The following CIZ1 variants were observed in gnomAD, a reference collection of about 807,000 sequenced individuals.
CIZ1 encodes the protein cip1-interacting zinc finger protein.
In CIZ1, 58 loss-of-function variants were observed where a neutral mutation model predicts 118.6. That is an observed-to-expected ratio of 0.49 (90% CI 0.40 to 0.61). The LOEUF is 0.61. Among genes scored for constraint, CIZ1 ranks in the 20% least tolerant of loss-of-function variants. The pLI, the probability that CIZ1 is intolerant of heterozygous loss-of-function variation, is 0.00. For synonymous variants in CIZ1, 448 were observed against 443.4 expected, an observed-to-expected ratio of 1.01 and a Z score of -0.13; for missense variants, 921 against 1,115.9, an observed-to-expected ratio of 0.83 and a Z score of 2.49.
intron 1 of CIZ1, among the ~76,000 whole-genome samples, chr9:128,199,297 G>A (rs1033977272): frequency 2.6e-5 from 4 of 152,048 alleles, no homozygotes; most frequent in African/African-American, 7.3e-5. Context: ...GAGCCCAGGA[G>A]GCAGAGGTTG....
In CIZ1 at chr9:128,167,438, C is replaced by T. The variant is rs557692006; in HGVS notation, c.2296-274G>A. 2.9e-5 allele frequency: 13 copies of T among 448,912 alleles called. No individual in the cohort carries two copies. The South Asian group carries it at 4.4e-4, about 15-fold the overall frequency. 27.8% of individuals were successfully genotyped at this position (448,912 alleles called of 1,614,324 possible). Reference sequence around the variant, plus strand: ...GGCGCCATAATCCACGCCAGGTGTGCCCAAGACATCATGTGTCATTTGACT... The same window carrying T: ...GGCGCCATAATCCACGCCAGGTGTGTCCAAGACATCATGTGTCATTTGACT... On this transcript the variant is annotated intron_variant, in intron 14 of 16. Coordinates refer to ENST00000372938, the MANE Select transcript of CIZ1 (RefSeq NM_001131016.2).
chr9:128,184,980 T>C (rs1832164068), intron 5 of CIZ1, among the ~76,000 whole-genome samples: 1 of 151,970 alleles, frequency 6.6e-6, no homozygotes, highest in Non-Finnish European at 1.5e-5. Context: ...ACACCAATAA[T>C]TTAAAAAGAA....
At chr9:128,181,663 C>T (rs547905507) in intron 5 of CIZ1, among the ~76,000 whole-genome samples, 3 of 151,832 alleles carry the variant, frequency 2.0e-5, no homozygotes, top group African/African-American at 7.3e-5. Flanking sequence ...CTAGCGGTGA[C>T]GCCAGCGTCT....
rs1829383147 is a variant in CIZ1 at position 128,166,143 on chromosome 9, A to G, written c.*54T>C. ...GTCAAAGTTTCCAGGCAGACTCCTA[A>G]AAAGCATTAGCAGATCTGGACCCAG... On this transcript the variant is annotated 3_prime_UTR_variant, in exon 17 of 17. Coordinates refer to ENST00000372938, the MANE Select transcript of CIZ1 (RefSeq NM_001131016.2). The surrounding 1 kb of genome is among the most constrained non-coding windows in gnomAD (Gnocchi z 4.4). 2 of 1,238,962 alleles carry G rather than the reference A, an allele frequency of 1.6e-6. No individual in the cohort carries two copies. The highest frequency in any genetic ancestry group is 2.2e-6 in the Non-Finnish European group (2 of 924,752). The allele number at this position is 1,238,962 out of a possible 1,614,324, so 76.7% of individuals were successfully genotyped here. A position where few individuals can be genotyped will look rare whatever the true frequency, so the allele number is the denominator to read the frequency against.
Position 128,191,402 on chromosome 9 carries a change from C to T in CIZ1, c.-6+30G>A. The T allele has an allele frequency of 1.1e-6, 1 of 870,222 alleles. No individual in the cohort carries two copies. The highest frequency in any genetic ancestry group is 1.4e-6 in the Non-Finnish European group (1 of 722,278). 53.9% of individuals were successfully genotyped at this position (870,222 alleles called of 1,614,324 possible). A position where few individuals can be genotyped will look rare whatever the true frequency, so the allele number is the denominator to read the frequency against. Reference sequence around the variant, plus strand: ...GACACAGCCAGCTCGCAGGCGGAGCCCCACGACCCAGCCGCCCCCGGCCCC... The same window carrying T: ...GACACAGCCAGCTCGCAGGCGGAGCTCCACGACCCAGCCGCCCCCGGCCCC... On this transcript the variant is annotated intron_variant, in intron 1 of 16. Transcript: ENST00000372938. The surrounding 1 kb of genome is among the most constrained non-coding windows in gnomAD (Gnocchi z 5.5).
chr9:128,190,646 A>C (rs1287626240), intron 2 of CIZ1, 42 bp downstream of exon 2: 2 of 1,539,650 alleles, frequency 1.3e-6, no homozygotes, highest in East Asian at 4.9e-5. Context: ...CATGGGTCTG[A>C]GTAGCAAGGC....
chr9:128,202,096 G>A (rs1564313010), intron 1 of CIZ1, among the ~76,000 whole-genome samples: 1 of 152,204 alleles, frequency 6.6e-6, no homozygotes, highest in African/African-American at 2.4e-5. Flanking sequence ...GACTTTGTCC[G>A]TTTTGCTCAC....
intron 5 of CIZ1, among the ~76,000 whole-genome samples, chr9:128,183,353 C>T (rs1032956966): frequency 6.6e-6 from 1 of 152,158 alleles, no homozygotes; most frequent in African/African-American, 2.4e-5. Flanking sequence ...TGGGTTTTTC[C>T]ATACGTAAAA....
At position 128,200,508 on chromosome 9, in the gene CIZ1, A is replaced by T. The variant is rs569416198; in HGVS notation, c.-6+3678T>A. ...CCCCGTCTCTACTAAAAATACAAAA[A>T]TTAGCTGGGCACAGTGGCGAGCACC... On this transcript the variant is annotated intron_variant, in intron 1 of 17. Transcript: ENST00000372948. Among the ~76,000 whole-genome samples the T allele has an allele frequency of 7.9e-4, 120 of 151,924 alleles. 2 individuals are homozygous for T. Among genetic ancestry groups the T allele is most frequent in the African/African-American group, 2.6e-3 (108 of 41,358 alleles).
chr9:128,203,823 C>A lies in CIZ1; in HGVS notation c.-6+363G>T, dbSNP rs1453919009. 6.6e-6 allele frequency among the ~76,000 whole-genome samples: 1 copy of A among 151,148 alleles called. No individual in the cohort carries two copies. On this transcript the variant is annotated intron_variant, in intron 1 of 17. Coordinates refer to the CIZ1 transcript ENST00000372948. The surrounding 1 kb of genome is among the most constrained non-coding windows in gnomAD (Gnocchi z 5.3). ...AGCCCCTCGGGGCAGCAGCGCCCCCCGCTAGTCTGCAAACGTCGTCAAGCC... is the reference window on the plus strand; with the variant it reads ...AGCCCCTCGGGGCAGCAGCGCCCCCAGCTAGTCTGCAAACGTCGTCAAGCC...
chr9:128,203,677 C>A lies in CIZ1; in HGVS notation c.-6+509G>T. On this transcript the variant is annotated intron_variant, in intron 1 of 17. Transcript: ENST00000372948. The surrounding 1 kb of genome is among the most constrained non-coding windows in gnomAD (Gnocchi z 5.3). Reference sequence around the variant, plus strand: ...GGCGCCGACCCCCGACCCCCGGGATCCCTGGAGTCCCCGCCCGGGGCACTG... The same window carrying A: ...GGCGCCGACCCCCGACCCCCGGGATACCTGGAGTCCCCGCCCGGGGCACTG... 1 of 1,444,660 alleles carries A rather than the reference C, an allele frequency of 6.9e-7. No homozygotes were observed. Among genetic ancestry groups the A allele is most frequent in the Non-Finnish European group, 9.1e-7 (1 of 1,103,676 alleles). 89.5% of individuals were successfully genotyped at this position (1,444,660 alleles called of 1,614,324 possible).
chr9:128,178,109 C>T (rs991985326), intron 9 of CIZ1, among the ~76,000 whole-genome samples: 1 of 152,012 alleles, frequency 6.6e-6, no homozygotes, highest in African/African-American at 2.4e-5. Flanking sequence ...ATTACCCATG[C>T]GAGGAGACTG....
chr9:128,180,750 G>T lies in CIZ1; in HGVS notation c.653C>A (p.Ala218Asp). 6.2e-7 allele frequency: 1 copy of T among 1,609,404 alleles called. No homozygotes were observed. The highest frequency in any genetic ancestry group is 8.5e-7 in the Non-Finnish European group (1 of 1,178,700). Residue 218 changes from alanine (A) to aspartate (D), a missense_variant, in exon 6 of 17, where the codon GCC becomes GAC. By Grantham distance (126) the Ala-to-Asp change is moderately radical. Coordinates refer to ENST00000372938, the MANE Select transcript of CIZ1 (RefSeq NM_001131016.2). ...TGGTGTGTCCATCCGGGGCTCTGCG[G>T]CTTCCTCAGACCCCTCTGGGGGGTC... ...KSDPPEGSEE[A>D]AEPRMDTPED... is the part of the protein sequence containing the mutation.
In CIZ1 at chr9:128,190,787, T is replaced by TGCTGCTGCTGTAACTGCTGGA; in HGVS notation, c.50_70dup (p.Leu17_Gln23dup). 6.5e-7 allele frequency: 1 copy of TGCTGCTGCTGTAACTGCTGGA among 1,532,232 alleles called. No individual in the cohort carries two copies. The highest frequency in any genetic ancestry group is 8.8e-7 in the Non-Finnish European group (1 of 1,135,594). The allele number at this position is 1,532,232 out of a possible 1,614,324, so 94.9% of individuals were successfully genotyped here. On this transcript the variant is annotated inframe_insertion, in exon 2 of 17. Coordinates refer to ENST00000372938, the MANE Select transcript of CIZ1 (RefSeq NM_001131016.2). ...CTGCTGCAATTGCTGCTGCTGGAGCTGCTGCTGCTGTAACTGCTGGAGCTG... is the reference window on the plus strand; with the variant it reads ...CTGCTGCAATTGCTGCTGCTGGAGCTGCTGCTGCTGTAACTGCTGGAGCTGCTGCTGTAACTGCTGGAGCTG...
At chr9:128,178,554 G>T (rs577149740) in intron 8 of CIZ1, 64 bp from the exon 9 acceptor site, 3 of 1,610,784 alleles carry the variant, frequency 1.9e-6, no homozygotes, top group Non-Finnish European at 2.5e-6. Flanking sequence ...TTCTCCGTCC[G>T]CAGCCAGAAC....
chr9:128,193,374 A>C (rs1476585313), upstream of CIZ1, among the ~76,000 whole-genome samples: 1 of 152,070 alleles, frequency 6.6e-6, no homozygotes, highest in Non-Finnish European at 1.5e-5. Flanking sequence ...CTCCCGTGAA[A>C]ACCAAGACAG....
chr9:128,166,954 A>T lies in CIZ1; in HGVS notation c.2366-74T>A. ...GGTGTCCCTCCCTCTCTAGGGGCCC[A>T]TGTGCTCCCCAACCCTCTAGGCAGG... On this transcript the variant is annotated intron_variant, in intron 15 of 16. Transcript: ENST00000372938. This position sits in a 1 kb window ranked among gnomAD's most constrained non-coding sequence, Gnocchi z 4.4. The T allele has an allele frequency of 6.2e-7, 1 of 1,612,174 alleles. No individual in the cohort carries two copies. Among genetic ancestry groups the T allele is most frequent in the Non-Finnish European group, 8.5e-7 (1 of 1,178,812 alleles).
intron 11 of CIZ1, among the ~76,000 whole-genome samples, chr9:128,172,424 C>T (rs10760545): frequency 0.61 from 93,134 of 151,774 alleles, 28,960 homozygotes; most frequent in Admixed American, 0.72. Flanking sequence ...AACTGGGAGA[C>T]GGAGGTTGCA....
chr9:128,203,734 G>A lies in CIZ1; in HGVS notation c.-6+452C>T. On this transcript the variant is annotated intron_variant, in intron 1 of 17. Coordinates refer to the CIZ1 transcript ENST00000372948. This position sits in a 1 kb window ranked among gnomAD's most constrained non-coding sequence, Gnocchi z 5.3. ...CGGCGACCTCGCAGCCCCCGACGCT[G>A]CACCCGCGGCCGGCGCGCCCCCCAC... is the stretch of plus-strand genomic sequence containing the variant. The A allele has an allele frequency of 1.8e-6, 2 of 1,138,472 alleles. No homozygotes were observed. The highest frequency in any genetic ancestry group is 2.2e-6 in the Non-Finnish European group (2 of 901,472). The allele number at this position is 1,138,472 out of a possible 1,614,324, so 70.5% of individuals were successfully genotyped here.
Sources: allele counts gnomAD v4.1 joint callset (sites outside exome capture counted in the v4.1 genomes callset), GRCh38; gene constraint gnomAD v4.1.1; non-coding constraint Gnocchi (gnomAD v3.1); transcripts MANE v1.5; gene names NCBI Gene and HGNC (gene_info 2026-07-23, HGNC 2026-07-21).